The following XRRA1 variants were observed in gnomAD, a reference collection of about 807,000 sequenced individuals.
XRRA1 encodes X-ray radiation resistance associated 1.
In XRRA1, 69 loss-of-function variants were observed where a neutral mutation model predicts 80.2. The observed-to-expected ratio is 0.86, with a 90% CI of 0.71 to 1.05. The LOEUF (loss-of-function observed/expected upper bound fraction) is 1.05. Among genes scored for constraint, XRRA1 ranks in the 50% least tolerant of loss-of-function variants. XRRA1 has a pLI of 0.00. For missense variants in XRRA1, 967 were observed against 976.4 expected (o/e 0.99, Z 0.13); for synonymous variants, 348 against 389.9 (o/e 0.89, Z 1.27).
intron 13 of XRRA1, 29 bp downstream of exon 13, chr11:74,851,960 G>T (rs1426334586): frequency 6.3e-7 from 1 of 1,594,238 alleles, no homozygotes; most frequent in Non-Finnish European, 8.6e-7. Context: ...GCACTGGGTT[G>T]AGAGGGGGCA....
intron 10 of XRRA1, among the ~76,000 whole-genome samples, chr11:74,865,501 T>C (rs1034328305): frequency 6.6e-6 from 1 of 152,094 alleles, no homozygotes; most frequent in Non-Finnish European, 1.5e-5. Flanking sequence ...CAGGCAGATG[T>C]GTGCCTGTCT....
intron 12 of XRRA1, among the ~76,000 whole-genome samples, chr11:74,858,949 T>C (rs1354908142): frequency 6.6e-6 from 1 of 152,174 alleles, no homozygotes; most frequent in South Asian, 2.1e-4. Context: ...GCCTGGCACA[T>C]GGTAAGTGCT....
intron 12 of XRRA1, 37 bp from the exon 13 acceptor site, chr11:74,852,119 C>T (rs2135577802): frequency 1.3e-6 from 2 of 1,543,704 alleles, no homozygotes; most frequent in South Asian, 1.1e-5. Flanking sequence ...AGGTTGACAC[C>T]ACCCCTCACC....
intron 3 of XRRA1, among the ~76,000 whole-genome samples, chr11:74,940,068 C>T (rs1946006814): frequency 1.3e-5 from 2 of 152,146 alleles, no homozygotes; most frequent in South Asian, 4.1e-4. Flanking sequence ...GAGTGACCAA[C>T]AAGTTACAAC....
chr11:74,935,059 A>G (rs1012577912), intron 4 of XRRA1, among the ~76,000 whole-genome samples: 3 of 152,238 alleles, frequency 2.0e-5, no homozygotes, highest in Non-Finnish European at 4.4e-5. Flanking sequence ...TAAACCAATC[A>G]TGGAGGTCTC....
rs2048093861 is a variant in XRRA1, at chr11:74,883,087, A to G, written c.1004-20066T>C. ...TTGTTTACCTAATCAAGCCTGGGCA[A>G]TGGCGGGCGCCCCTCCCCCAGCCTC... On this transcript the variant is annotated intron_variant, in intron 10 of 18. Transcript: ENST00000684022. Among the ~76,000 whole-genome samples, 3 of 152,318 alleles carry G rather than the reference A, an allele frequency of 2.0e-5. No homozygotes were observed. The South Asian group carries it at 6.2e-4, about 32-fold the overall frequency.
intron 10 of XRRA1, among the ~76,000 whole-genome samples, chr11:74,866,668 AATC>A (rs987251214): frequency 6.7e-6 from 1 of 149,956 alleles, no homozygotes; most frequent in African/African-American, 2.5e-5. Flanking sequence ...AAAAAAAAAA[AATC>A]AAAGAAATCC....
chr11:74,940,640 T>G (rs1289240386), intron 3 of XRRA1, 145 bp downstream of exon 3: 2 of 658,730 alleles, frequency 3.0e-6, no homozygotes, highest in Admixed American at 5.1e-5. Context: ...AGAAGTCCCA[T>G]GGAGGCTACT....
At chr11:74,903,736 G>A (rs1050341890) in intron 10 of XRRA1, among the ~76,000 whole-genome samples, 6 of 152,046 alleles carry the variant, frequency 3.9e-5, no homozygotes, top group Non-Finnish European at 8.8e-5. Context: ...TAACTAGATG[G>A]ACATATGGCA....
intron 12 of XRRA1, among the ~76,000 whole-genome samples, chr11:74,856,190 T>C (rs895293446): frequency 3.9e-5 from 6 of 152,196 alleles, no homozygotes; most frequent in African/African-American, 1.2e-4. Flanking sequence ...GCACCTATCA[T>C]GTATCAGGTA....
rs2037348064 is a variant in XRRA1 at position 74,844,174 on chromosome 11, C to G, written c.2037G>C (p.Glu679Asp). ...CAGTGAGCTGGATGTTTACCCGTTT[C>G]TCTTTGTGAACATAGGGTTTCTGAA... ...DTLQKPYVHKEKRAQRIPIPP... is the reference protein window; with the variant it reads ...DTLQKPYVHKDKRAQRIPIPP... Residue 679 changes from glutamate to aspartate, a missense_variant, in exon 17 of 19, where the codon GAG (glutamate) becomes GAC (aspartate). Transcript: ENST00000684022. 1.2e-6 allele frequency: 2 copies of G among 1,613,692 alleles called. No individual in the cohort carries two copies. The highest frequency in any genetic ancestry group is 1.7e-6 in the Non-Finnish European group (2 of 1,179,634).
intron 2 of XRRA1, among the ~76,000 whole-genome samples, chr11:74,941,485 T>C (rs1401071867): frequency 6.6e-6 from 1 of 152,056 alleles, no homozygotes; most frequent in African/African-American, 2.4e-5. Context: ...CTGTGCACAG[T>C]AAAGAAACAA....
chr11:74,881,916 C>G (rs559509466), intron 10 of XRRA1, among the ~76,000 whole-genome samples: 1,701 of 149,990 alleles, frequency 0.011, 40 homozygotes, highest in African/African-American at 0.04. Flanking sequence ...GGTAACCTGA[C>G]CTTTCTCTCT....
chr11:74,842,635 T>A lies in XRRA1; in HGVS notation c.*565A>T, dbSNP rs537961865. The A allele has an allele frequency of 2.0e-5, 3 of 152,900 alleles. No homozygotes were observed. The East Asian group carries it at 5.8e-4, about 29-fold the overall frequency. The allele number at this position is 152,900 out of a possible 1,614,324, so 9.5% of individuals were successfully genotyped here. On this transcript the variant is annotated 3_prime_UTR_variant, in exon 19 of 19. Coordinates refer to ENST00000684022, the MANE Select transcript of XRRA1 (RefSeq NM_001378157.1). The stretch of plus-strand genomic sequence containing the variant: ...CTTTTGGCATAAGTTATGTCCAGTT[T>A]ACAGTTTGCTCCAATTTACTGTCAT...
intron 7 of XRRA1, 90 bp from the exon 8 acceptor site, chr11:74,921,437 C>T (rs1017734840): frequency 6.5e-7 from 1 of 1,528,956 alleles, no homozygotes; most frequent in African/African-American, 1.4e-5. Flanking sequence ...TCTAGAGTGC[C>T]CCATCGCCCA....
At chr11:74,900,520 T>C (rs1278580356) in intron 10 of XRRA1, among the ~76,000 whole-genome samples, 1 of 151,936 alleles carries the variant, frequency 6.6e-6, no homozygotes, top group Non-Finnish European at 1.5e-5. Context: ...AGGTGGAGGC[T>C]GCGGTGAGCC....
chr11:74,881,266 C>T (rs12278879), intron 10 of XRRA1, among the ~76,000 whole-genome samples: 5,446 of 151,652 alleles, frequency 0.036, 90 homozygotes, highest in Middle Eastern at 0.044. Flanking sequence ...TCTGTTTTAT[C>T]CGAGACTAGG....
intron 2 of XRRA1, among the ~76,000 whole-genome samples, chr11:74,944,354 G>GCACA (rs566328629): frequency 6.6e-6 from 1 of 152,066 alleles, no homozygotes. Flanking sequence ...TGCTACACAC[G>GCACA]CACACACACA....
chr11:74,914,505 G>A (rs1415267053), intron 8 of XRRA1, among the ~76,000 whole-genome samples: 1 of 152,120 alleles, frequency 6.6e-6, no homozygotes, highest in Non-Finnish European at 1.5e-5. Flanking sequence ...TGTACAGATA[G>A]GGTACCATAC....
Sources: allele counts gnomAD v4.1 joint callset (sites outside exome capture counted in the v4.1 genomes callset), GRCh38; gene constraint gnomAD v4.1.1; transcripts MANE v1.5; gene names NCBI Gene and HGNC (gene_info 2026-07-23, HGNC 2026-07-21).